KATNAL1: variants seen among roughly 807,000 people sequenced by gnomAD.
The protein encoded by KATNAL1 is katanin p60 ATPase-containing subunit A-like 1.
Under a neutral mutation model 55.2 loss-of-function variants are expected in KATNAL1, and 32 were observed. The ratio of observed to expected loss-of-function variants is 0.58; its 90% CI spans 0.44 to 0.78. KATNAL1 has a LOEUF of 0.78. KATNAL1 is among the 30% of genes least tolerant of loss of function. KATNAL1 has a pLI of 0.00. For missense variants in KATNAL1, 466 were observed against 600.9 expected, an observed-to-expected ratio of 0.78 and a Z score of 2.35; for synonymous variants, 193 against 193.6, an observed-to-expected ratio of 1.00 and a Z score of 0.02.
intron 6 of KATNAL1, among the ~76,000 whole-genome samples, chr13:30,232,646 T>A (rs1297946213): frequency 6.6e-6 from 1 of 152,188 alleles, no homozygotes; most frequent in Admixed American, 6.5e-5. Flanking sequence ...TGTAATGCCA[T>A]TAATGTGGCC....
chr13:30,287,536 T>C (rs1881869088), intron 1 of KATNAL1, among the ~76,000 whole-genome samples: 1 of 152,236 alleles, frequency 6.6e-6, no homozygotes, highest in South Asian at 2.1e-4. Flanking sequence ...TATTTCTTCA[T>C]AGCAGCATGA....
chr13:30,273,508 G>A (rs140732436), intron 3 of KATNAL1, among the ~76,000 whole-genome samples: 148 of 152,348 alleles, frequency 9.7e-4, no homozygotes, highest in East Asian at 6.4e-3. Context: ...GGATGGCTAT[G>A]AAGATTTAAA....
chr13:30,258,380 C>T (rs1392789292), intron 3 of KATNAL1, among the ~76,000 whole-genome samples: 8 of 152,164 alleles, frequency 5.3e-5, no homozygotes, highest in Non-Finnish European at 1.0e-4. Flanking sequence ...AGATACGAGT[C>T]CTATGTCACA....
At chr13:30,301,674 T>A (rs984528852) in intron 1 of KATNAL1, among the ~76,000 whole-genome samples, 1 of 152,154 alleles carries the variant, frequency 6.6e-6, no homozygotes, top group African/African-American at 2.4e-5. Flanking sequence ...TACAATTTAC[T>A]GCCTCAAATT....
chr13:30,254,125 A>G (rs1878587291), intron 4 of KATNAL1, among the ~76,000 whole-genome samples: 1 of 152,210 alleles, frequency 6.6e-6, no homozygotes, highest in Non-Finnish European at 1.5e-5. Context: ...AGGTTTATCT[A>G]AAAGCTACTA....
intron 1 of KATNAL1, among the ~76,000 whole-genome samples, chr13:30,305,314 T>G (rs1191684876): frequency 6.6e-6 from 1 of 152,256 alleles, no homozygotes; most frequent in East Asian, 1.9e-4. Context: ...AAATACTGAT[T>G]CTTCAATCTA....
At chr13:30,210,520 TG>T (rs1593822568) in intron 9 of KATNAL1, 78 bp from the exon 10 acceptor site, 2 of 1,396,420 alleles carry the variant, frequency 1.4e-6, no homozygotes, top group East Asian at 4.8e-5. Flanking sequence ...TATTAACATT[TG>T]GGGGAAAAAT....
chr13:30,282,154 G>A (rs1881404051), intron 2 of KATNAL1, among the ~76,000 whole-genome samples: 2 of 148,826 alleles, frequency 1.3e-5, no homozygotes, highest in South Asian at 4.2e-4. Flanking sequence ...ACGGTAAGTA[G>A]GCAAATTAAA....
intron 9 of KATNAL1, among the ~76,000 whole-genome samples, chr13:30,225,635 A>G (rs982965006): frequency 3.7e-5 from 5 of 135,384 alleles, no homozygotes; most frequent in African/African-American, 1.4e-4. Flanking sequence ...CATATGAAAA[A>G]AATGACTCAT....
At chr13:30,237,302 G>T (rs1876786175) in intron 6 of KATNAL1, among the ~76,000 whole-genome samples, 1 of 152,106 alleles carries the variant, frequency 6.6e-6, no homozygotes, top group South Asian at 2.1e-4. Flanking sequence ...AATCTGTCAG[G>T]AATCACATAT....
chr13:30,271,909 T>C (rs1202806894), intron 3 of KATNAL1, among the ~76,000 whole-genome samples: 1 of 145,042 alleles, frequency 6.9e-6, no homozygotes, highest in Non-Finnish European at 1.5e-5. Flanking sequence ...AACAGAGTTG[T>C]GTAATGTCAC....
At chr13:30,215,203 T>C (rs1454477562) in intron 9 of KATNAL1, among the ~76,000 whole-genome samples, 7 of 151,556 alleles carry the variant, frequency 4.6e-5, no homozygotes, top group Non-Finnish European at 7.4e-5. Context: ...ATCAGAGAAA[T>C]GCAAATCAAA....
At chr13:30,296,299 C>T (rs1355726470) in intron 1 of KATNAL1, 2 of 1,220,286 alleles carry the variant, frequency 1.6e-6, no homozygotes, top group Non-Finnish European at 2.3e-6. Flanking sequence ...CTTTTGTGTG[C>T]CCCACGGAGA....
chr13:30,271,505 G>A (rs912968214), intron 3 of KATNAL1, among the ~76,000 whole-genome samples: 39 of 152,104 alleles, frequency 2.6e-4, no homozygotes, highest in African/African-American at 5.3e-4. Flanking sequence ...CAAGAGGTTG[G>A]GGGGTGCGGG....
chr13:30,259,014 G>C (rs1879020038), intron 3 of KATNAL1, among the ~76,000 whole-genome samples: 1 of 152,188 alleles, frequency 6.6e-6, no homozygotes, highest in Admixed American at 6.5e-5. Context: ...AAATCTTAAT[G>C]AATGAAAGGC....
intron 9 of KATNAL1, among the ~76,000 whole-genome samples, chr13:30,218,258 C>CA (rs575896274): frequency 2.5e-4 from 38 of 149,444 alleles, no homozygotes; most frequent in Non-Finnish European, 5.3e-4. Flanking sequence ...AATAGGAAGT[C>CA]AGAGTCACCC....
At chr13:30,245,860 AAGG>A (rs1344989550) in intron 4 of KATNAL1, among the ~76,000 whole-genome samples, 1 of 152,194 alleles carries the variant, frequency 6.6e-6, no homozygotes, top group Non-Finnish European at 1.5e-5. Context: ...GGACCTCTTC[AAGG>A]AGAACTACGA....
At chr13:30,268,401 A>C (rs775120701) in intron 3 of KATNAL1, among the ~76,000 whole-genome samples, 1 of 152,260 alleles carries the variant, frequency 6.6e-6, no homozygotes, top group Non-Finnish European at 1.5e-5. Flanking sequence ...GATCAGAAGC[A>C]TTTAAAAATT....
At chr13:30,222,094 T>C (rs956686095) in intron 9 of KATNAL1, among the ~76,000 whole-genome samples, 3 of 152,128 alleles carry the variant, frequency 2.0e-5, no homozygotes, top group African/African-American at 7.2e-5. Flanking sequence ...AATGTGTCTG[T>C]GAACATGTTT....
Sources: allele counts gnomAD v4.1 joint callset (sites outside exome capture counted in the v4.1 genomes callset), GRCh38; gene constraint gnomAD v4.1.1; transcripts MANE v1.5; gene names NCBI Gene and HGNC (gene_info 2026-07-23, HGNC 2026-07-21).